FHIT: variants seen among roughly 807,000 people sequenced by gnomAD.
FHIT encodes the protein fragile histidine triad diadenosine triphosphatase.
FHIT carries 19 observed loss-of-function variants against 17.9 expected under a neutral mutation model. That is an observed-to-expected ratio of 1.06 (90% CI 0.74 to 1.56). The LOEUF (loss-of-function observed/expected upper bound fraction) is 1.56, where lower values mean the gene tolerates loss of function less well. FHIT is among the 40% of genes most tolerant of loss of function. The pLI is 0.00. For synonymous variants in FHIT, 81 were observed against 69.7 expected (o/e 1.16, Z -0.81); for missense variants, 248 against 189.2 (o/e 1.31, Z -1.82).
In FHIT at chr3:60,841,030, C is replaced by T. The variant is rs1303426273; in HGVS notation, c.-110-19019G>A. Among the ~76,000 whole-genome samples, 3 of 152,182 alleles carry T rather than the reference C, an allele frequency of 2.0e-5. No individual in the cohort carries two copies. The East Asian group carries it at 5.8e-4, about 29-fold the overall frequency. ...GTCTGTTTTTGATTTTTACTTTAGA[C>T]TCTATTCCTCTTTATTTTCTCCTCT... On this transcript the variant is annotated intron_variant, in intron 3 of 9. Coordinates refer to ENST00000492590, the MANE Select transcript of FHIT (RefSeq NM_002012.4).
At chr3:60,948,372 T>G (rs1156694840) in intron 3 of FHIT, among the ~76,000 whole-genome samples, 7 of 152,240 alleles carry the variant, frequency 4.6e-5, no homozygotes, top group Non-Finnish European at 1.0e-4. Flanking sequence ...TCTACTATAA[T>G]GAATTTCATA....
At chr3:60,718,265 T>G (rs968948698) in intron 4 of FHIT, among the ~76,000 whole-genome samples, 1 of 152,236 alleles carries the variant, frequency 6.6e-6, no homozygotes, top group Non-Finnish European at 1.5e-5. Context: ...AGTTTCATGT[T>G]ATGCACTTAA....
intron 8 of FHIT, among the ~76,000 whole-genome samples, chr3:59,802,063 A>G (rs1428106351): frequency 6.6e-6 from 1 of 152,224 alleles, no homozygotes; most frequent in East Asian, 1.9e-4. Flanking sequence ...ACCTTGGTGT[A>G]GTATATGCCA....
rs1281567026 is a variant in FHIT at position 60,019,415 on chromosome 3, C to CTTTTTTTTTTTTTTTTTTT, written c.104-5264_104-5263insAAAAAAAAAAAAAAAAAAA. Reference sequence around the variant, plus strand: ...ATGGCATTTTAGAGTTGAGATGCTCCTTTTTTTTTTTTTTTTTCCTGAGAT... The same window carrying CTTTTTTTTTTTTTTTTTTT: ...ATGGCATTTTAGAGTTGAGATGCTCCTTTTTTTTTTTTTTTTTTTTTTTTTTTTTTTTTTTTCCTGAGAT... On this transcript the variant is annotated intron_variant, in intron 5 of 9. Coordinates refer to ENST00000492590, the MANE Select transcript of FHIT (RefSeq NM_002012.4). Among the ~76,000 whole-genome samples, 35 of 121,094 alleles carry CTTTTTTTTTTTTTTTTTTT rather than the reference C, an allele frequency of 2.9e-4. 1 individual carries two copies. Among genetic ancestry groups the CTTTTTTTTTTTTTTTTTTT allele is most frequent in the East Asian group, 8.1e-4 (3 of 3,682 alleles). 79.4% of individuals were successfully genotyped at this position (121,094 alleles called of 152,430 possible).
At chr3:60,380,613 G>A (rs1253409911) in intron 5 of FHIT, among the ~76,000 whole-genome samples, 62 of 152,008 alleles carry the variant, frequency 4.1e-4, no homozygotes, top group Non-Finnish European at 2.9e-5. Context: ...GGATTAAAAT[G>A]AGTACTGCTG....
chr3:60,545,437 G>A (rs540496128), intron 4 of FHIT, among the ~76,000 whole-genome samples: 39 of 152,152 alleles, frequency 2.6e-4, no homozygotes, highest in African/African-American at 7.2e-4. Context: ...CTAGTTACTT[G>A]AGTCAAACCT....
intron 5 of FHIT, among the ~76,000 whole-genome samples, chr3:60,458,906 G>C (rs1221552232): frequency 6.6e-6 from 1 of 151,772 alleles, no homozygotes; most frequent in Non-Finnish European, 1.5e-5. Flanking sequence ...TCCCAAGCAA[G>C]CTGGGACTAC....
At chr3:59,954,797 G>C (rs1046817076) in intron 7 of FHIT, among the ~76,000 whole-genome samples, 1 of 152,144 alleles carries the variant, frequency 6.6e-6, no homozygotes, top group African/African-American at 2.4e-5. Context: ...CAGGGAGATG[G>C]TTTATTCCAA....
At chr3:60,445,481 G>C (rs553283473) in intron 5 of FHIT, among the ~76,000 whole-genome samples, 1 of 147,314 alleles carries the variant, frequency 6.8e-6, no homozygotes, top group Admixed American at 6.8e-5. Flanking sequence ...AGAAGAAGAA[G>C]AAAAAAAAAA....
intron 7 of FHIT, among the ~76,000 whole-genome samples, chr3:59,992,788 G>C (rs1487502989): frequency 6.6e-6 from 1 of 152,012 alleles, no homozygotes; most frequent in East Asian, 1.9e-4. Context: ...ACAGAACAGA[G>C]AGAACACGTG....
At chr3:60,349,169 C>G (rs1710949930) in intron 5 of FHIT, among the ~76,000 whole-genome samples, 1 of 152,122 alleles carries the variant, frequency 6.6e-6, no homozygotes, top group Non-Finnish European at 1.5e-5. Flanking sequence ...TATTCATTTT[C>G]TATTTTTTAA....
chr3:60,335,795 G>T (rs1710207636), intron 5 of FHIT, among the ~76,000 whole-genome samples: 1 of 152,068 alleles, frequency 6.6e-6, no homozygotes, highest in Non-Finnish European at 1.5e-5. Flanking sequence ...TTACTTAAAT[G>T]TAAGAATTAC....
At chr3:60,529,090 T>TC (rs2035676761) in intron 5 of FHIT, among the ~76,000 whole-genome samples, 1 of 152,216 alleles carries the variant, frequency 6.6e-6, no homozygotes, top group Non-Finnish European at 1.5e-5. Flanking sequence ...ACTTCAGATA[T>TC]CTGGTATTGT....
chr3:60,079,577 A>C (rs1249119798), intron 5 of FHIT, among the ~76,000 whole-genome samples: 1 of 151,456 alleles, frequency 6.6e-6, no homozygotes, highest in African/African-American at 2.4e-5. Context: ...GCTTCCAGTC[A>C]CTCATATGCC....
intron 7 of FHIT, among the ~76,000 whole-genome samples, chr3:59,977,463 G>A (rs978483677): frequency 1.3e-5 from 2 of 152,124 alleles, no homozygotes; most frequent in Non-Finnish European, 2.9e-5. Context: ...CCTAGTAGAA[G>A]AATCCACCAT....
At chr3:60,360,122 CT>C (rs1699846841) in intron 5 of FHIT, among the ~76,000 whole-genome samples, 1 of 151,166 alleles carries the variant, frequency 6.6e-6, no homozygotes, top group African/African-American at 2.4e-5. Flanking sequence ...AAATACTAAG[CT>C]TTTTAGGACT....
chr3:61,243,401 T>C (rs2040416968), intron 1 of FHIT, among the ~76,000 whole-genome samples: 1 of 152,184 alleles, frequency 6.6e-6, no homozygotes, highest in Non-Finnish European at 1.5e-5. Context: ...TCTTTTTTCC[T>C]CCCTCACAAT....
rs185806223 is a variant in FHIT at position 61,247,700 on chromosome 3, T to A, written c.-213+3601A>T. Among the ~76,000 whole-genome samples the A allele has an allele frequency of 4.1e-4, 62 of 152,344 alleles. 2 individuals are homozygous for A. In the East Asian group the frequency reaches 0.011, roughly 27 times the overall value. On this transcript the variant is annotated intron_variant, in intron 1 of 9. Coordinates refer to ENST00000492590, the MANE Select transcript of FHIT (RefSeq NM_002012.4). ...AACAAGTGGCAAACAAATCCTTTTA[T>A]AATATAAATACCTGCTTAAAGTTTT...
intron 4 of FHIT, among the ~76,000 whole-genome samples, chr3:60,766,344 A>G (rs1389592616): frequency 1.3e-5 from 2 of 152,134 alleles, no homozygotes; most frequent in African/African-American, 2.4e-5. Context: ...CACTTATCCA[A>G]TGGCTCTAAC....
Sources: allele counts gnomAD v4.1 joint callset (sites outside exome capture counted in the v4.1 genomes callset), GRCh38; gene constraint gnomAD v4.1.1; transcripts MANE v1.5; gene names NCBI Gene and HGNC (gene_info 2026-07-23, HGNC 2026-07-21).